Variants in BCAS3 observed in about 807,000 individuals in gnomAD.
The protein encoded by BCAS3 is BCAS4/BCAS3 fusion.
A neutral mutation model predicts 116.1 loss-of-function variants in BCAS3; 53 were observed. The ratio of observed to expected loss-of-function variants is 0.46; its 90% CI spans 0.37 to 0.57. The LOEUF is 0.57. Ranked by LOEUF, BCAS3 falls within the 20% of genes least tolerant of loss-of-function variation. The probability of loss-of-function intolerance (pLI) is 0.00; values close to 1 mark genes in which losing one functional copy is unlikely to be tolerated. For synonymous variants in BCAS3, 391 were observed against 408.2 expected (o/e 0.96, Z 0.51); for missense variants, 917 against 1,165.4 (o/e 0.79, Z 3.10).
intron 22 of BCAS3, among the ~76,000 whole-genome samples, chr17:61,110,991 A>G (rs1007933412): frequency 1.9e-4 from 29 of 152,156 alleles, no homozygotes; most frequent in East Asian, 1.4e-3. Context: ...CACCTCACAC[A>G]GCAGGGTATT....
chr17:61,295,692 C>T (rs1476609859), intron 22 of BCAS3, among the ~76,000 whole-genome samples: 1 of 151,986 alleles, frequency 6.6e-6, no homozygotes, highest in Non-Finnish European at 1.5e-5. Context: ...GTGGCTCATG[C>T]CTGTAATCCC....
In BCAS3 at chr17:61,134,310, A is replaced by G. The variant is rs1029165893; in HGVS notation, c.2425+49746A>G. ...ATCAACTGTTAGGCACTGTGCTCAG[A>G]CTTTATGAGCATTGTCTCATTTTTC... On this transcript the variant is annotated intron_variant, in intron 22 of 23. Transcript: ENST00000407086. The surrounding 1 kb of genome is among the most constrained non-coding windows in gnomAD (Gnocchi z 4.6). Among the ~76,000 whole-genome samples the G allele has an allele frequency of 6.6e-6, 1 of 152,204 alleles. No homozygotes were observed. The highest frequency in any genetic ancestry group is 1.5e-5 in the Non-Finnish European group (1 of 68,028).
At chr17:60,953,135 A>C (rs1348251369) in intron 14 of BCAS3, among the ~76,000 whole-genome samples, 4 of 152,128 alleles carry the variant, frequency 2.6e-5, no homozygotes, top group African/African-American at 9.7e-5. Flanking sequence ...TTACTCAGGA[A>C]TGGGATTGTG....
In BCAS3 at chr17:60,910,395, G is replaced by A. The variant is rs780312307; in HGVS notation, c.823-137G>A. ...AAGATCATTAAAAGTCAGACTGAAT[G>A]TCTGTGACAGTTTACTGCTATAAAA... On this transcript the variant is annotated intron_variant, in intron 11 of 23. Coordinates refer to ENST00000407086, the MANE Select transcript of BCAS3 (RefSeq NM_017679.5). The A allele has an allele frequency of 1.9e-5, 12 of 628,604 alleles. No individual in the cohort carries two copies. In the Admixed American group the frequency reaches 2.4e-4, roughly 12 times the overall value. 38.9% of individuals were successfully genotyped at this position (628,604 alleles called of 1,614,324 possible).
At chr17:60,792,542 G>A (rs2046867981) in intron 6 of BCAS3, among the ~76,000 whole-genome samples, 2 of 152,308 alleles carry the variant, frequency 1.3e-5, no homozygotes, top group African/African-American at 2.4e-5. Flanking sequence ...AGAGGTTTCC[G>A]GCTGGCGAAG....
rs1178594469 is a variant in BCAS3, at chr17:61,362,583, C to T, written c.2426-5744C>T. ...GGTGTACAAAGGCAAAGCACGTGTT[C>T]CCCCAGCCTCCCCAGGAGCTACCAG... On this transcript the variant is annotated intron_variant, in intron 22 of 23. Coordinates refer to ENST00000407086, the MANE Select transcript of BCAS3 (RefSeq NM_017679.5). The surrounding 1 kb of genome is among the most constrained non-coding windows in gnomAD (Gnocchi z 4.4). 6.6e-6 allele frequency: 1 copy of T among 152,224 alleles called. No homozygotes were observed. Among genetic ancestry groups the T allele is most frequent in the Non-Finnish European group, 1.5e-5 (1 of 68,050 alleles). 9.4% of individuals were successfully genotyped at this position (152,224 alleles called of 1,614,324 possible).
Position 61,346,462 on chromosome 17 carries a change from G to A in BCAS3, c.2426-21865G>A, listed in dbSNP as rs1568907576. Among the ~76,000 whole-genome samples the A allele has an allele frequency of 6.6e-6, 1 of 152,192 alleles. No individual in the cohort carries two copies. Among genetic ancestry groups the A allele is most frequent in the South Asian group, 2.1e-4 (1 of 4,832 alleles). On this transcript the variant is annotated intron_variant, in intron 22 of 23. Coordinates refer to ENST00000407086, the MANE Select transcript of BCAS3 (RefSeq NM_017679.5). The surrounding 1 kb of genome is among the most constrained non-coding windows in gnomAD (Gnocchi z 5.4). ...AGCTTCTTTCTGAAACGGAAGAGCTGCCTGGGGCTGTTGTGAGGCTCTGTG... is the reference window on the plus strand; with the variant it reads ...AGCTTCTTTCTGAAACGGAAGAGCTACCTGGGGCTGTTGTGAGGCTCTGTG...
rs2057188077 is a variant in BCAS3 at position 61,341,959 on chromosome 17, A to G, written c.2426-26368A>G. Among the ~76,000 whole-genome samples the G allele has an allele frequency of 1.3e-5, 2 of 152,234 alleles. 1 individual carries two copies. The highest frequency in any genetic ancestry group is 4.1e-4 in the South Asian group (2 of 4,830). ...TGATAGACAGAAAAGTGATTATGAG[A>G]CGTGGACAGGCAGTGGGGGCAATCA... is the stretch of plus-strand genomic sequence containing the variant. On this transcript the variant is annotated intron_variant, in intron 22 of 23. Coordinates refer to ENST00000407086, the MANE Select transcript of BCAS3 (RefSeq NM_017679.5).
chr17:61,167,989 C>A lies in BCAS3; in HGVS notation c.2425+83425C>A, dbSNP rs551983872. On this transcript the variant is annotated intron_variant, in intron 22 of 23. Transcript: ENST00000407086. ...ATTTGCTGTAACTATAGGTTTACTT[C>A]TCTCCTCTTTGGTATCATACGGCGC... Among the ~76,000 whole-genome samples, 4 of 152,284 alleles carry A rather than the reference C, an allele frequency of 2.6e-5. No individual in the cohort carries two copies. The East Asian group carries it at 7.7e-4, about 29-fold the overall frequency.
At chr17:61,210,466 C>A (rs973415052) in intron 22 of BCAS3, among the ~76,000 whole-genome samples, 13 of 152,236 alleles carry the variant, frequency 8.5e-5, no homozygotes, top group Middle Eastern at 3.4e-3. Flanking sequence ...ATATTGGAGA[C>A]AAGACTTGAA....
At chr17:61,257,314 A>G (rs1287660136) in intron 22 of BCAS3, among the ~76,000 whole-genome samples, 2 of 150,436 alleles carry the variant, frequency 1.3e-5, no homozygotes, top group South Asian at 4.3e-4. Flanking sequence ...CCAGCTACGC[A>G]GGAGGCTAAG....
chr17:60,921,439 C>T (rs938774984), intron 12 of BCAS3, among the ~76,000 whole-genome samples: 2 of 151,876 alleles, frequency 1.3e-5, no homozygotes, highest in African/African-American at 4.8e-5. Context: ...CGGTGAAACC[C>T]CGTCTCTACT....
At chr17:60,902,744 A>C (rs780593206) in intron 11 of BCAS3, 41 bp downstream of exon 11, 43 of 1,418,646 alleles carry the variant, frequency 3.0e-5, no homozygotes, top group Non-Finnish European at 4.2e-5. Flanking sequence ...GGTTATGTGT[A>C]GTAATTGTTC....
intron 23 of BCAS3, among the ~76,000 whole-genome samples, chr17:61,370,454 T>C (rs966071046): frequency 3.3e-5 from 5 of 152,138 alleles, no homozygotes; most frequent in Admixed American, 1.3e-4. Flanking sequence ...TATGGCACAA[T>C]CTTGGCTCAC....
At chr17:60,891,761 A>C (rs2057168381) in intron 10 of BCAS3, 1 of 455,670 alleles carries the variant, frequency 2.2e-6, no homozygotes, top group African/African-American at 2.0e-5. Flanking sequence ...CCAGATATTG[A>C]ACATTGTACC....
At chr17:61,238,564 T>A (rs1434750493) in intron 22 of BCAS3, among the ~76,000 whole-genome samples, 1 of 152,054 alleles carries the variant, frequency 6.6e-6, no homozygotes, top group Non-Finnish European at 1.5e-5. Flanking sequence ...AATGAGATAA[T>A]CTGCCCTCAT....
intron 14 of BCAS3, among the ~76,000 whole-genome samples, chr17:60,985,126 C>G (rs1555649971): frequency 6.9e-6 from 1 of 145,622 alleles, no homozygotes; most frequent in Non-Finnish European, 1.5e-5. Context: ...GAGTTATAAA[C>G]GATTCAACTG....
chr17:61,280,131 G>T (rs2051116106), intron 22 of BCAS3, among the ~76,000 whole-genome samples: 2 of 152,090 alleles, frequency 1.3e-5, no homozygotes, highest in African/African-American at 4.8e-5. Context: ...CTTTATACTC[G>T]AAGACCCTGG....
chr17:60,948,749 C>G (rs1214137312), intron 14 of BCAS3, among the ~76,000 whole-genome samples: 1 of 152,118 alleles, frequency 6.6e-6, no homozygotes, highest in Non-Finnish European at 1.5e-5. Context: ...CTCTAGGTTG[C>G]TTATTTACTA....
Sources: allele counts gnomAD v4.1 joint callset (sites outside exome capture counted in the v4.1 genomes callset), GRCh38; gene constraint gnomAD v4.1.1; non-coding constraint Gnocchi (gnomAD v3.1); transcripts MANE v1.5; gene names NCBI Gene and HGNC (gene_info 2026-07-23, HGNC 2026-07-21).